APBB2: variants seen among roughly 807,000 people sequenced by gnomAD.
The protein encoded by APBB2 is amyloid beta precursor protein binding family B member 2.
In APBB2, 38 loss-of-function variants were observed where a neutral mutation model predicts 82.5. The ratio of observed to expected loss-of-function variants is 0.46; its 90% confidence interval spans 0.36 to 0.60. APBB2 has a LOEUF of 0.60. Ranked by LOEUF, APBB2 falls within the 20% of genes least tolerant of loss-of-function variation. APBB2 has a pLI of 0.00. For missense variants in APBB2, 772 were observed against 972.3 expected (o/e 0.79, Z 2.74); for synonymous variants, 341 against 368.2 (o/e 0.93, Z 0.85).
At chr4:41,201,300 T>C (rs7671003) in intron 1 of APBB2, among the ~76,000 whole-genome samples, 29,694 of 152,062 alleles carry the variant, frequency 0.2, 3,886 homozygotes, top group African/African-American at 0.37. Flanking sequence ...GTCATCTGTA[T>C]TTTCTGAAGA....
At chr4:40,993,361 C>T (rs571132109) in intron 6 of APBB2, among the ~76,000 whole-genome samples, 2 of 114,620 alleles carry the variant, frequency 1.7e-5, no homozygotes, top group Admixed American at 9.1e-5. Flanking sequence ...ACTCTTCTCT[C>T]TTTTTTTTTT....
At chr4:40,875,360 C>A (rs1406079307) in intron 12 of APBB2, among the ~76,000 whole-genome samples, 2 of 152,152 alleles carry the variant, frequency 1.3e-5, no homozygotes, top group African/African-American at 4.8e-5. Flanking sequence ...ATGGACCCTC[C>A]TAAGGATTAC....
At chr4:41,110,123 T>C (rs1353007685) in intron 2 of APBB2, among the ~76,000 whole-genome samples, 1 of 152,196 alleles carries the variant, frequency 6.6e-6, no homozygotes, top group East Asian at 1.9e-4. Context: ...CCCCCATCCC[T>C]GCAGAAGCAA....
chr4:40,853,910 G>GA (rs1420631804), intron 12 of APBB2, among the ~76,000 whole-genome samples: 1 of 152,114 alleles, frequency 6.6e-6, no homozygotes, highest in Non-Finnish European at 1.5e-5. Context: ...TGGTCTTCAA[G>GA]ACACTCGGCA....
Position 40,823,680 on chromosome 4 carries a change from G to A in APBB2, c.1896C>T (p.Asn632=), listed in dbSNP as rs778987048. The A allele has an allele frequency of 3.0e-5, 48 of 1,613,736 alleles. No individual in the cohort carries two copies. Among genetic ancestry groups the A allele is most frequent in the Admixed American group, 1.2e-4 (7 of 60,004 alleles). ...TGACAGTCACAGTGGCATCAGCCAC[G>A]TTCATGTTCACTGACAGCCAGTCCT... ...NKEDWLSVNM[N]VADATVTVIS... is the part of the protein sequence containing the mutation. Residue 632 remains asparagine (N), a synonymous_variant, in exon 16 of 18, where the codon AAC becomes AAT. Transcript: ENST00000508593.
intron 6 of APBB2, among the ~76,000 whole-genome samples, chr4:40,982,400 G>GGAAA (rs1291191407): frequency 0.053 from 842 of 15,824 alleles, 78 homozygotes; most frequent in Middle Eastern, 0.071. Flanking sequence ...GGAAAGGAAA[G>GGAAA]GAAAGAAAGA....
chr4:41,178,928 C>T (rs1770570219), intron 1 of APBB2, among the ~76,000 whole-genome samples: 1 of 152,166 alleles, frequency 6.6e-6, no homozygotes, highest in Non-Finnish European at 1.5e-5. Context: ...ACTTCCCTTC[C>T]ACCCACCCAG....
chr4:41,095,126 TG>T (rs1250803108), intron 3 of APBB2, among the ~76,000 whole-genome samples: 1 of 152,170 alleles, frequency 6.6e-6, no homozygotes, highest in African/African-American at 2.4e-5. Context: ...GTTACAGTGG[TG>T]GGTTCAAGTA....
chr4:41,162,548 A>G (rs1440701591), intron 1 of APBB2, among the ~76,000 whole-genome samples: 2 of 152,160 alleles, frequency 1.3e-5, no homozygotes, highest in Non-Finnish European at 2.9e-5. Flanking sequence ...ATACATGCTC[A>G]TCATAAAATA....
chr4:41,025,219 A>T (rs966568064), intron 5 of APBB2, among the ~76,000 whole-genome samples: 1 of 152,256 alleles, frequency 6.6e-6, no homozygotes, highest in African/African-American at 2.4e-5. Flanking sequence ...AAAAGTGAGC[A>T]AAGGACATGA....
At chr4:41,213,369 T>C (rs963210749) in intron 1 of APBB2, among the ~76,000 whole-genome samples, 1 of 152,050 alleles carries the variant, frequency 6.6e-6, no homozygotes, top group African/African-American at 2.4e-5. Context: ...CTTCCGACAC[T>C]GACCTTATTC....
At chr4:41,197,255 T>C in intron 1 of APBB2, among the ~76,000 whole-genome samples, 10 of 152,206 alleles carry the variant, frequency 6.6e-5, no homozygotes, top group Admixed American at 2.0e-4. Flanking sequence ...ATGGTGAAAG[T>C]TGTTTTCAAG....
Position 41,046,850 on chromosome 4 carries a change from G to A in APBB2, c.-50-13546C>T, listed in dbSNP as rs1344620303. 2.0e-5 allele frequency among the ~76,000 whole-genome samples: 3 copies of A among 152,338 alleles called. No homozygotes were observed. The East Asian group carries it at 5.8e-4, about 29-fold the overall frequency. ...CAGGGGTGGGAAGGAAGGCTGAGGG[G>A]TAACACGGCCTTTCTGAAAGAGCAC... On this transcript the variant is annotated intron_variant, in intron 4 of 17. Coordinates refer to ENST00000508593, the MANE Select transcript of APBB2 (RefSeq NM_004307.2).
chr4:40,869,638 A>G (rs1051356365), intron 12 of APBB2, among the ~76,000 whole-genome samples: 2 of 152,102 alleles, frequency 1.3e-5, no homozygotes, highest in Admixed American at 1.3e-4. Context: ...GTCTAAAGGG[A>G]CCGCTCTATA....
rs116293231 is a variant in APBB2 at position 40,994,015 on chromosome 4, C to T, written c.835+19568G>A. Among the ~76,000 whole-genome samples, 820 of 152,158 alleles carry T rather than the reference C, an allele frequency of 5.4e-3. 4 individuals carry two copies. The highest frequency in any genetic ancestry group is 0.012 in the Admixed American group (189 of 15,274). ...AAAGAAACACCTAGGAGAGGCTGGGCGCGGTAGCTCACACCTGTAATCCCA... is the reference window on the plus strand; with the variant it reads ...AAAGAAACACCTAGGAGAGGCTGGGTGCGGTAGCTCACACCTGTAATCCCA... On this transcript the variant is annotated intron_variant, in intron 6 of 17. Transcript: ENST00000508593.
rs1560524626 is a variant in APBB2, at chr4:41,013,792, TGCAGCAGCAAATCGCCATTC to T, written c.606_625del (p.Asn203GlufsTer10). 1 of 1,614,250 alleles carries T rather than the reference TGCAGCAGCAAATCGCCATTC, an allele frequency of 6.2e-7. No individual in the cohort carries two copies. On this transcript the variant is annotated frameshift_variant, in exon 6 of 18. Coordinates refer to ENST00000508593, the MANE Select transcript of APBB2 (RefSeq NM_004307.2). LOFTEE classifies it high-confidence loss of function. Reference sequence around the variant, plus strand: ...GCTGGACTGGGGTCTGTTTGGTTTCTGCAGCAGCAAATCGCCATTCCCAATGATGGTGGAGGCCTGGCCCT... The same window carrying T: ...GCTGGACTGGGGTCTGTTTGGTTTCTCCAATGATGGTGGAGGCCTGGCCCT...
intron 1 of APBB2, among the ~76,000 whole-genome samples, chr4:41,154,885 A>T (rs1229716207): frequency 1.3e-5 from 2 of 152,224 alleles, no homozygotes; most frequent in African/African-American, 4.8e-5. Flanking sequence ...CTCAATCAGA[A>T]CCAAAAGGGA....
intron 10 of APBB2, among the ~76,000 whole-genome samples, chr4:40,924,767 T>C (rs1158584923): frequency 3.3e-5 from 5 of 152,200 alleles, no homozygotes; most frequent in Non-Finnish European, 7.3e-5. Flanking sequence ...CACTAAATCC[T>C]GAGCAAAATA....
intron 1 of APBB2, among the ~76,000 whole-genome samples, chr4:41,209,276 A>C (rs545285221): frequency 3.1e-4 from 47 of 152,318 alleles, no homozygotes; most frequent in African/African-American, 1.1e-3. Flanking sequence ...TGAAAGCAAA[A>C]TGCACTAAAA....
Sources: allele counts gnomAD v4.1 joint callset (sites outside exome capture counted in the v4.1 genomes callset), GRCh38; gene constraint gnomAD v4.1.1; transcripts MANE v1.5; gene names NCBI Gene and HGNC (gene_info 2026-07-23, HGNC 2026-07-21).